LRRTM3: variants seen among roughly 807,000 people sequenced by gnomAD.
The protein encoded by LRRTM3 is leucine rich repeat transmembrane neuronal 3, also known as leucine-rich repeat transmembrane neuronal protein 3.
A neutral mutation model predicts 44.7 loss-of-function variants in LRRTM3; 24 were observed. That is an observed-to-expected ratio of 0.54 (90% CI 0.39 to 0.76). LRRTM3 has a LOEUF of 0.76. LRRTM3 is among the 30% of genes least tolerant of loss of function. LRRTM3 has a pLI of 0.00. For synonymous variants in LRRTM3, 277 were observed against 278.7 expected (o/e 0.99, Z 0.06); for missense variants, 587 against 702.2 (o/e 0.84, Z 1.85).
chr10:67,043,160 A>G (rs1854514389), intron 2 of LRRTM3, among the ~76,000 whole-genome samples: 1 of 146,730 alleles, frequency 6.8e-6, no homozygotes, highest in African/African-American at 2.5e-5. Context: ...TTTCTGTGCA[A>G]TAAGATCTGG....
chr10:67,072,184 C>T (rs908714527), intron 2 of LRRTM3, among the ~76,000 whole-genome samples: 13 of 152,102 alleles, frequency 8.5e-5, no homozygotes, highest in African/African-American at 3.1e-4. Context: ...GAACTGCTGG[C>T]CTCAAGTGAT....
chr10:67,069,025 C>T (rs1016097485), intron 2 of LRRTM3, among the ~76,000 whole-genome samples: 1 of 150,020 alleles, frequency 6.7e-6, no homozygotes, highest in African/African-American at 2.5e-5. Context: ...CTGAACTCCA[C>T]TCTGGGCAAC....
chr10:66,960,164 T>C (rs1849038931), intron 2 of LRRTM3, among the ~76,000 whole-genome samples: 1 of 152,180 alleles, frequency 6.6e-6, no homozygotes, highest in East Asian at 1.9e-4. Flanking sequence ...CAGATAACTT[T>C]ATTTTTCATA....
intron 2 of LRRTM3, among the ~76,000 whole-genome samples, chr10:67,044,699 T>G (rs1487120636): frequency 6.6e-6 from 1 of 152,212 alleles, no homozygotes; most frequent in African/African-American, 2.4e-5. Flanking sequence ...GCACCTTTTT[T>G]TAAAAGAACT....
At chr10:66,975,645 C>G (rs1421173998) in intron 2 of LRRTM3, among the ~76,000 whole-genome samples, 1 of 152,134 alleles carries the variant, frequency 6.6e-6, no homozygotes, top group African/African-American at 2.4e-5. Context: ...TATAACTTTT[C>G]AGGATTAGTG....
intron 2 of LRRTM3, among the ~76,000 whole-genome samples, chr10:67,045,652 C>T (rs975287385): frequency 6.6e-6 from 1 of 152,192 alleles, no homozygotes; most frequent in African/African-American, 2.4e-5. Flanking sequence ...AGGGGCACTC[C>T]GCACTGGACC....
intron 2 of LRRTM3, among the ~76,000 whole-genome samples, chr10:67,095,014 C>T (rs1377864492): frequency 2.0e-5 from 3 of 150,312 alleles, no homozygotes; most frequent in Admixed American, 6.7e-5. Flanking sequence ...TAAGTTTATA[C>T]ATATATGTGT....
intron 2 of LRRTM3, among the ~76,000 whole-genome samples, chr10:67,094,509 C>G (rs929434410): frequency 2.0e-5 from 3 of 151,740 alleles, no homozygotes. Context: ...TGGCCATATT[C>G]TATACCTAAA....
intron 2 of LRRTM3, among the ~76,000 whole-genome samples, chr10:67,097,052 A>C (rs1858038106): frequency 1.3e-5 from 2 of 151,896 alleles, no homozygotes; most frequent in Admixed American, 1.3e-4. Context: ...CCAGCATCAT[A>C]TAGGAACTTG....
intron 2 of LRRTM3, among the ~76,000 whole-genome samples, chr10:66,980,042 C>G (rs1292091254): frequency 6.6e-6 from 1 of 152,038 alleles, no homozygotes; most frequent in Non-Finnish European, 1.5e-5. Context: ...CACTTTTTTC[C>G]CTAAAATGTT....
At chr10:66,974,712 A>T (rs1849929518) in intron 2 of LRRTM3, among the ~76,000 whole-genome samples, 1 of 152,088 alleles carries the variant, frequency 6.6e-6, no homozygotes, top group South Asian at 2.1e-4. Flanking sequence ...CATTTTAATG[A>T]GCAGGAAGTT....
chr10:67,018,634 G>A (rs1852804845), intron 2 of LRRTM3, among the ~76,000 whole-genome samples: 1 of 152,192 alleles, frequency 6.6e-6, no homozygotes, highest in African/African-American at 2.4e-5. Context: ...GCCTGGGTGT[G>A]AATCCTGATC....
chr10:66,980,289 C>T (rs2132875514), intron 2 of LRRTM3, among the ~76,000 whole-genome samples: 1 of 152,084 alleles, frequency 6.6e-6, no homozygotes, highest in East Asian at 1.9e-4. Flanking sequence ...CCAAGTATAC[C>T]ACAAGTCAAC....
intron 2 of LRRTM3, among the ~76,000 whole-genome samples, chr10:67,046,851 T>C (rs1416483002): frequency 1.3e-5 from 2 of 152,030 alleles, no homozygotes; most frequent in Non-Finnish European, 2.9e-5. Context: ...TTTGGGTGAG[T>C]AGATAGGAAT....
chr10:67,034,070 C>T (rs1417816555), intron 2 of LRRTM3, among the ~76,000 whole-genome samples: 2 of 152,346 alleles, frequency 1.3e-5, no homozygotes, highest in Non-Finnish European at 2.9e-5. Context: ...CCGCGCCCGG[C>T]CTATACTGCT....
intron 2 of LRRTM3, among the ~76,000 whole-genome samples, chr10:67,078,645 T>C (rs1267076004): frequency 6.6e-6 from 1 of 152,010 alleles, no homozygotes; most frequent in Non-Finnish European, 1.5e-5. Flanking sequence ...GCCTCCCAAG[T>C]AGCTGGGATT....
intron 2 of LRRTM3, among the ~76,000 whole-genome samples, chr10:67,079,359 C>T (rs999462661): frequency 6.6e-6 from 1 of 152,152 alleles, no homozygotes; most frequent in Non-Finnish European, 1.5e-5. Flanking sequence ...GCAGAAGGAA[C>T]ACAGCGATAG....
intron 2 of LRRTM3, among the ~76,000 whole-genome samples, chr10:67,056,244 G>A (rs544757241): frequency 2.0e-4 from 30 of 152,258 alleles, no homozygotes; most frequent in African/African-American, 6.3e-4. Context: ...AAGAACTGGA[G>A]TGCCTGTGGA....
At chr10:66,967,007 C>T (rs1849456763) in intron 2 of LRRTM3, among the ~76,000 whole-genome samples, 1 of 151,882 alleles carries the variant, frequency 6.6e-6, no homozygotes, top group South Asian at 2.1e-4. Flanking sequence ...TTGCAATTTT[C>T]TTAAAATATA....
Sources: gnomAD v4.1 joint callset for allele counts (sites outside exome capture counted in the v4.1 genomes callset) on GRCh38, gnomAD v4.1.1 for gene constraint, MANE v1.5 for transcripts, NCBI Gene and HGNC (gene_info 2026-07-23, HGNC 2026-07-21) for gene names.